HS6ST2: variants seen among roughly 807,000 people sequenced by gnomAD.
HS6ST2 encodes heparan-sulfate 6-O-sulfotransferase 2.
In HS6ST2, 17 loss-of-function variants were observed where a neutral mutation model predicts 33.0. That is an observed-to-expected ratio of 0.52 (90% CI 0.35 to 0.77). The LOEUF is 0.77. HS6ST2 is among the 30% of genes least tolerant of loss of function. HS6ST2 has a pLI of 0.01. For synonymous variants in HS6ST2, 248 were observed against 237.1 expected, an observed-to-expected ratio of 1.05 and a Z score of -0.42; for missense variants, 519 against 551.7, an observed-to-expected ratio of 0.94 and a Z score of 0.59.
At chrX:132,690,625 T>A (rs1024666374) in intron 3 of HS6ST2, among the ~76,000 whole-genome samples, 1 of 112,097 alleles carries the variant, frequency 8.9e-6, no homozygotes, top group East Asian at 2.8e-4. Flanking sequence ...TCAAGAGAAG[T>A]ATCTAGAAAT....
At chrX:132,689,340 G>A (rs866097867) in intron 3 of HS6ST2, among the ~76,000 whole-genome samples, 13 of 111,730 alleles carry the variant, frequency 1.2e-4, no homozygotes, top group South Asian at 1.1e-3. Flanking sequence ...TGCTGTAGAG[G>A]TATTATAAAT....
At chrX:132,646,022 G>C (rs950799709) in intron 4 of HS6ST2, among the ~76,000 whole-genome samples, 62 of 112,155 alleles carry the variant, frequency 5.5e-4, no homozygotes, top group Non-Finnish European at 9.8e-4. Context: ...AAGTCATCAA[G>C]TTACATATGT....
At chrX:132,936,219 T>G (rs1004514869) in intron 2 of HS6ST2, among the ~76,000 whole-genome samples, 1 of 110,946 alleles carries the variant, frequency 9.0e-6, no homozygotes, top group Non-Finnish European at 1.9e-5. Context: ...GCCAATAAAC[T>G]GGATAACTTG....
chrX:132,848,970 A>T, intron 2 of HS6ST2, among the ~76,000 whole-genome samples: 1 of 111,756 alleles, frequency 8.9e-6, no homozygotes, highest in South Asian at 3.8e-4. Flanking sequence ...CTAGTAAAAA[A>T]AATTGGGTGT....
intron 2 of HS6ST2, among the ~76,000 whole-genome samples, chrX:132,750,787 A>C (rs1310650423): frequency 1.8e-5 from 2 of 112,570 alleles, no homozygotes; most frequent in East Asian, 5.6e-4. Context: ...TAGTACACCA[A>C]GCCTTCGGCT....
At chrX:132,643,905 A>T (rs889106692) in intron 4 of HS6ST2, among the ~76,000 whole-genome samples, 2 of 111,985 alleles carry the variant, frequency 1.8e-5, no homozygotes, top group African/African-American at 6.5e-5. Flanking sequence ...CTGTGAGGAC[A>T]TGTCAATGAG....
rs2063494629 is a variant in HS6ST2, at chrX:132,628,495, C to T, written c.1666G>A (p.Glu556Lys). 2 of 1,211,116 alleles carry T rather than the reference C, an allele frequency of 1.7e-6. No homozygotes were observed. The highest frequency in any genetic ancestry group is 2.2e-6 in the Non-Finnish European group (2 of 895,308). Residue 556 changes from glutamate (E) to lysine (K), a missense_variant, in exon 5 of 5, where the codon GAA (glutamate) becomes AAA (lysine). Transcript: ENST00000370833. The part of the protein sequence containing the change: ...EHQEARRKRQ[E>K]QRKFLKGRLL... ...CTTCCCTTCAGAAATTTGCGTTGTT[C>T]CTGACGCTTTCGCCTGGCCTCCTGA... is the stretch of plus-strand genomic sequence containing the variant.
intron 2 of HS6ST2, among the ~76,000 whole-genome samples, chrX:132,863,151 T>G (rs113331857): frequency 8.9e-6 from 1 of 112,101 alleles, no homozygotes; most frequent in Non-Finnish European, 1.9e-5. Flanking sequence ...CCATGGAACA[T>G]TCACTGTCTG....
intron 4 of HS6ST2, among the ~76,000 whole-genome samples, chrX:132,654,064 C>A (rs1232387061): frequency 9.0e-6 from 1 of 111,202 alleles, no homozygotes; most frequent in Non-Finnish European, 1.9e-5. Context: ...AGCATAGTGC[C>A]TATGGCTAAC....
intron 2 of HS6ST2, among the ~76,000 whole-genome samples, chrX:132,873,245 T>C (rs1333481532): frequency 4.5e-5 from 5 of 111,760 alleles, no homozygotes; most frequent in Non-Finnish European, 9.4e-5. Context: ...CCTTTTCTAC[T>C]ATATGGGTGA....
intron 4 of HS6ST2, among the ~76,000 whole-genome samples, chrX:132,648,759 C>A (rs1479244807): frequency 2.7e-5 from 3 of 111,055 alleles, no homozygotes; most frequent in African/African-American, 9.8e-5. Context: ...CCTGGTGGTA[C>A]GGGAAAGCCA....
intron 2 of HS6ST2, among the ~76,000 whole-genome samples, chrX:132,906,956 T>C (rs915138132): frequency 3.6e-5 from 4 of 111,666 alleles, no homozygotes; most frequent in African/African-American, 1.3e-4. Context: ...TGAGCCGCCA[T>C]GCCCAGCCAA....
intron 2 of HS6ST2, among the ~76,000 whole-genome samples, chrX:132,924,420 G>A (rs1041851208): frequency 8.9e-6 from 1 of 111,745 alleles, no homozygotes; most frequent in African/African-American, 3.3e-5. Context: ...ATCAATCCTC[G>A]CTTAGCCTAA....
At chrX:132,657,173 T>A (rs956449519) in intron 4 of HS6ST2, among the ~76,000 whole-genome samples, 4 of 110,937 alleles carry the variant, frequency 3.6e-5, no homozygotes, top group African/African-American at 1.3e-4. Context: ...CAGTAATGAA[T>A]GGTCGCACTG....
At chrX:132,859,696 A>G (rs778695931) in intron 2 of HS6ST2, among the ~76,000 whole-genome samples, 2 of 90,024 alleles carry the variant, frequency 2.2e-5, no homozygotes, top group Admixed American at 1.2e-4. Context: ...CAGGAAAGAA[A>G]GAATGAAGAA....
At chrX:132,671,607 C>T (rs1294386848) in intron 3 of HS6ST2, among the ~76,000 whole-genome samples, 4 of 109,911 alleles carry the variant, frequency 3.6e-5, no homozygotes, top group Non-Finnish European at 7.6e-5. Context: ...CAGCTGGCAG[C>T]GGCAGCCTCA....
chrX:132,787,169 A>G (rs112706136), intron 2 of HS6ST2, among the ~76,000 whole-genome samples: 9,302 of 43,902 alleles, frequency 0.21, 863 homozygotes, highest in African/African-American at 0.39. Flanking sequence ...ATATATATGT[A>G]TATATATATA....
intron 2 of HS6ST2, among the ~76,000 whole-genome samples, chrX:132,918,411 T>C (rs1480725481): frequency 3.6e-5 from 4 of 112,378 alleles, no homozygotes; most frequent in Non-Finnish European, 7.5e-5. Context: ...AATGATGGCA[T>C]AGACCTTGAG....
intron 2 of HS6ST2, among the ~76,000 whole-genome samples, chrX:132,881,837 A>C (rs1473843847): frequency 1.8e-5 from 2 of 111,928 alleles, no homozygotes; most frequent in African/African-American, 3.2e-5. Flanking sequence ...TCAGCTTTCT[A>C]CATATGGCTA....
Sources: gnomAD v4.1 joint callset for allele counts (sites outside exome capture counted in the v4.1 genomes callset) on GRCh38, gnomAD v4.1.1 for gene constraint, MANE v1.5 for transcripts, NCBI Gene and HGNC (gene_info 2026-07-23, HGNC 2026-07-21) for gene names.